Variants in MRPS35 observed in about 807,000 individuals in gnomAD.
MRPS35 encodes mitochondrial ribosomal protein S35.
In MRPS35, 29 loss-of-function variants were observed where a neutral mutation model predicts 32.7. The observed-to-expected ratio is 0.89, with a 90% confidence interval of 0.66 to 1.21. MRPS35 has a LOEUF of 1.21. MRPS35 is among the 50% of genes most tolerant of loss of function. The probability of loss-of-function intolerance (pLI) is 0.00; values close to 1 mark genes in which losing one functional copy is unlikely to be tolerated. For missense variants in MRPS35, 373 were observed against 383.8 expected (o/e 0.97, Z 0.23); for synonymous variants, 148 against 139.3 (o/e 1.06, Z -0.44).
At chr12:27,716,194 T>G in intron 2 of MRPS35, 97 bp from the exon 3 acceptor site, 2 of 1,218,984 alleles carry the variant, frequency 1.6e-6, no homozygotes, top group Non-Finnish European at 2.2e-6. Context: ...TTGCTTCTAT[T>G]TCTTGTAATT....
intron 7 of MRPS35, among the ~76,000 whole-genome samples, chr12:27,750,661 A>T (rs916221650): frequency 6.6e-6 from 1 of 152,084 alleles, no homozygotes; most frequent in African/African-American, 2.4e-5. Context: ...AAACATTAGC[A>T]GGGCATGGTG....
At chr12:27,741,723 T>C (rs1213080101) in intron 7 of MRPS35, among the ~76,000 whole-genome samples, 2 of 152,176 alleles carry the variant, frequency 1.3e-5, no homozygotes, top group Non-Finnish European at 2.9e-5. Flanking sequence ...ATGAGTCAGT[T>C]TGCAAAGTGA....
intron 4 of MRPS35, 89 bp from the exon 5 acceptor site, chr12:27,723,958 T>C: frequency 2.3e-6 from 3 of 1,279,766 alleles, no homozygotes; most frequent in Non-Finnish European, 2.1e-6. Context: ...TTGGTGATGC[T>C]CTCAGTAATT....
At chr12:27,735,622 A>G in intron 6 of MRPS35, 66 bp downstream of exon 6, 5 of 1,190,006 alleles carry the variant, frequency 4.2e-6, no homozygotes, top group Non-Finnish European at 6.1e-6. Flanking sequence ...ATTCCTTGGC[A>G]GTCCTTTTTA....
intron 7 of MRPS35, among the ~76,000 whole-genome samples, chr12:27,744,457 G>T (rs2061975272): frequency 6.6e-6 from 1 of 152,042 alleles, no homozygotes; most frequent in Non-Finnish European, 1.5e-5. Context: ...AAATTAGGAA[G>T]TATTTTAAAA....
Position 27,735,393 on chromosome 12 carries a change from TCACTAAACAA to T in MRPS35, c.523-53_523-44del. 6.7e-6 allele frequency: 9 copies of T among 1,349,546 alleles called. No homozygotes were observed. The Admixed American group carries it at 8.7e-5, about 13-fold the overall frequency. The allele number at this position is 1,349,546 out of a possible 1,614,324, so 83.6% of individuals were successfully genotyped here. A position where few individuals can be genotyped will look rare whatever the true frequency, so the allele number is the denominator to read the frequency against. ...TAGGAATAACATTGCTACCTTTTTT[TCACTAAACAA>T]TTATATGAAATTATTTTTTCAAATA... On this transcript the variant is annotated intron_variant, in intron 5 of 7. Transcript: ENST00000081029.
intron 4 of MRPS35, among the ~76,000 whole-genome samples, chr12:27,722,000 A>C (rs1441038782): frequency 6.6e-6 from 1 of 152,242 alleles, no homozygotes; most frequent in Non-Finnish European, 1.5e-5. Flanking sequence ...GAGGTGGACG[A>C]CAGAGTGAGA....
chr12:27,723,476 G>GA (rs1219050132), intron 4 of MRPS35, among the ~76,000 whole-genome samples: 2 of 152,056 alleles, frequency 1.3e-5, no homozygotes, highest in Non-Finnish European at 2.9e-5. Flanking sequence ...AAGTCACATA[G>GA]AAAAAATATC....
chr12:27,735,328 G>A, intron 5 of MRPS35, 119 bp from the exon 6 acceptor site: 1 of 681,224 alleles, frequency 1.5e-6, no homozygotes, highest in Admixed American at 3.1e-5. Flanking sequence ...TGTATAGAAA[G>A]GAGTTTGGAA....
chr12:27,742,009 T>A (rs2061965987), intron 7 of MRPS35, among the ~76,000 whole-genome samples: 1 of 152,212 alleles, frequency 6.6e-6, no homozygotes, highest in Non-Finnish European at 1.5e-5. Flanking sequence ...ATTCCTGTAG[T>A]CCCAGTTTCT....
intron 7 of MRPS35, among the ~76,000 whole-genome samples, chr12:27,754,005 A>T (rs1428712120): frequency 6.6e-6 from 1 of 152,184 alleles, no homozygotes; most frequent in African/African-American, 2.4e-5. Flanking sequence ...TGTAATCCCT[A>T]CACTTTGGGA....
intron 3 of MRPS35, among the ~76,000 whole-genome samples, chr12:27,716,940 G>C (rs187170817): frequency 6.6e-6 from 1 of 152,066 alleles, no homozygotes; most frequent in Admixed American, 6.6e-5. Context: ...GCAGTGAGCC[G>C]AGATGGCGCC....
intron 6 of MRPS35, among the ~76,000 whole-genome samples, chr12:27,736,718 C>T (rs182518675): frequency 1.3e-5 from 2 of 152,272 alleles, no homozygotes; most frequent in Non-Finnish European, 2.9e-5. Flanking sequence ...TGTGTCATCT[C>T]ATGTATGTAG....
chr12:27,731,456 T>C (rs2061921790), intron 5 of MRPS35, among the ~76,000 whole-genome samples: 2 of 152,224 alleles, frequency 1.3e-5, no homozygotes. Context: ...AAATAAACAA[T>C]CTTTAATTTC....
intron 1 of MRPS35, among the ~76,000 whole-genome samples, chr12:27,712,833 A>G (rs947793299): frequency 6.6e-6 from 1 of 152,210 alleles, no homozygotes; most frequent in African/African-American, 2.4e-5. Context: ...CCTGGGCAAC[A>G]TGGCGGAACC....
intron 3 of MRPS35, among the ~76,000 whole-genome samples, chr12:27,717,573 T>C (rs2061855812): frequency 6.6e-6 from 1 of 152,196 alleles, no homozygotes; most frequent in African/African-American, 2.4e-5. Context: ...TAAAAGGTGA[T>C]GAGAACAGGG....
At chr12:27,749,105 A>T (rs2061991584) in intron 7 of MRPS35, among the ~76,000 whole-genome samples, 1 of 151,294 alleles carries the variant, frequency 6.6e-6, no homozygotes, top group Non-Finnish European at 1.5e-5. Context: ...ACCAGTGTTA[A>T]TGGGCCATCT....
chr12:27,752,524 C>T (rs559393675), intron 7 of MRPS35, among the ~76,000 whole-genome samples: 2 of 152,282 alleles, frequency 1.3e-5, no homozygotes, highest in East Asian at 3.9e-4. Flanking sequence ...AGCAGTCAGG[C>T]AGTTGAGTCA....
intron 4 of MRPS35, among the ~76,000 whole-genome samples, chr12:27,722,475 C>T (rs2061880490): frequency 1.3e-5 from 2 of 151,874 alleles, no homozygotes; most frequent in African/African-American, 4.8e-5. Context: ...AATTTTAAAA[C>T]TGTAATTATC....
Sources: allele counts gnomAD v4.1 joint callset (sites outside exome capture counted in the v4.1 genomes callset), GRCh38; gene constraint gnomAD v4.1.1; transcripts MANE v1.5; gene names NCBI Gene and HGNC (gene_info 2026-07-23, HGNC 2026-07-21).